PATJ: variants seen among roughly 807,000 people sequenced by gnomAD.
PATJ encodes inaD-like protein.
PATJ carries 190 observed loss-of-function variants against 224.9 expected under a neutral mutation model. The observed-to-expected ratio is 0.84, with a 90% CI of 0.75 to 0.95. The LOEUF (loss-of-function observed/expected upper bound fraction) is 0.95, where lower values mean the gene tolerates loss of function less well. PATJ is among the 40% of genes least tolerant of loss of function. The pLI is 0.00. For missense variants in PATJ, 2,121 were observed against 2,270.3 expected, an observed-to-expected ratio of 0.93 and a Z score of 1.34; for synonymous variants, 769 against 820.3, an observed-to-expected ratio of 0.94 and a Z score of 1.07.
intron 27 of PATJ, among the ~76,000 whole-genome samples, chr1:61,957,199 T>C (rs187983293): frequency 6.6e-6 from 1 of 152,264 alleles, no homozygotes; most frequent in Admixed American, 6.5e-5. Context: ...AGTGGGCAAA[T>C]CTATTCCATT....
At chr1:61,964,177 A>G (rs1375840150) in intron 27 of PATJ, among the ~76,000 whole-genome samples, 1 of 150,956 alleles carries the variant, frequency 6.6e-6, no homozygotes, top group East Asian at 2.0e-4. Context: ...TGCCTCCCAG[A>G]TTCAAGTCAT....
At position 61,765,595 on chromosome 1, in the gene PATJ, A is replaced by G. The variant is rs1402710011; in HGVS notation, c.190-684A>G. Among the ~76,000 whole-genome samples the G allele has an allele frequency of 2.0e-5, 3 of 152,024 alleles. No individual in the cohort carries two copies. In the East Asian group the frequency reaches 5.8e-4, roughly 29 times the overall value. ...CGATGGGGTTTCACCACTGACATTT[A>G]TTCTTAATGTTACCTTTATTCTACT... On this transcript the variant is annotated intron_variant, in intron 3 of 43. Transcript: ENST00000642238.
intron 17 of PATJ, among the ~76,000 whole-genome samples, chr1:61,842,111 T>A (rs1275275930): frequency 6.6e-6 from 1 of 152,118 alleles, no homozygotes; most frequent in Non-Finnish European, 1.5e-5. Flanking sequence ...GTTTGTAGTG[T>A]GCTCAGGATG....
intron 23 of PATJ, among the ~76,000 whole-genome samples, chr1:61,900,399 A>G (rs1306262280): frequency 6.6e-6 from 1 of 152,142 alleles, no homozygotes; most frequent in Non-Finnish European, 1.5e-5. Context: ...AAATAATGAC[A>G]CGGAGGTAGG....
intron 42 of PATJ, among the ~76,000 whole-genome samples, chr1:62,152,456 A>G (rs1668724596): frequency 6.6e-6 from 1 of 152,014 alleles, no homozygotes; most frequent in Non-Finnish European, 1.5e-5. Flanking sequence ...GTTCGAGACC[A>G]GCCTGGTCAA....
At chr1:61,908,317 C>T (rs1306368906) in intron 24 of PATJ, 55 bp from the exon 25 acceptor site, 1 of 1,157,814 alleles carries the variant, frequency 8.6e-7, no homozygotes, top group Non-Finnish European at 1.3e-6. Flanking sequence ...TTGAATTAAC[C>T]TGTCCACAAT....
intron 33 of PATJ, among the ~76,000 whole-genome samples, chr1:62,096,520 A>G (rs1340534853): frequency 2.0e-5 from 3 of 152,160 alleles, no homozygotes; most frequent in Non-Finnish European, 4.4e-5. Context: ...ATATCCTTGT[A>G]GTATAATCTT....
At chr1:61,953,653 G>A (rs900481252) in intron 27 of PATJ, among the ~76,000 whole-genome samples, 61 of 152,228 alleles carry the variant, frequency 4.0e-4, no homozygotes, top group African/African-American at 1.4e-3. Flanking sequence ...TTTTAATACT[G>A]CTTCTCAAAC....
intron 30 of PATJ, among the ~76,000 whole-genome samples, chr1:62,045,695 G>A (rs17123003): frequency 0.053 from 8,016 of 152,182 alleles, 431 homozygotes; most frequent in East Asian, 0.25. Context: ...CCAGCCATCC[G>A]GATTAGCTGA....
At chr1:62,099,347 CTTTTTTTTTTTTTTTTTTT>C (rs71050197) in intron 33 of PATJ, among the ~76,000 whole-genome samples, 1 of 55,666 alleles carries the variant, frequency 1.8e-5, no homozygotes. Flanking sequence ...ATATCTCCAA[CTTTTTTTTTTTTTTTTTTT>C]TTTTTTTTTT....
At chr1:61,896,462 G>T (rs576812360) in intron 22 of PATJ, among the ~76,000 whole-genome samples, 7 of 152,190 alleles carry the variant, frequency 4.6e-5, no homozygotes, top group African/African-American at 1.7e-4. Context: ...ACTTGTTTTT[G>T]ATTTTACAGG....
At chr1:61,771,038 G>T (rs930066634) in intron 5 of PATJ, among the ~76,000 whole-genome samples, 1 of 152,074 alleles carries the variant, frequency 6.6e-6, no homozygotes, top group Non-Finnish European at 1.5e-5. Context: ...GGAGGTTATT[G>T]GTGTAGTTGA....
At chr1:62,152,629 T>A (rs760991835) in intron 42 of PATJ, among the ~76,000 whole-genome samples, 4 of 151,102 alleles carry the variant, frequency 2.6e-5, no homozygotes, top group African/African-American at 4.9e-5. Flanking sequence ...CCAGCCTGGG[T>A]GACAGAGCAA....
intron 27 of PATJ, among the ~76,000 whole-genome samples, chr1:61,978,446 G>A: frequency 6.6e-6 from 1 of 151,986 alleles, no homozygotes; most frequent in Admixed American, 6.6e-5. Context: ...TGTATTTTTA[G>A]TAGAGAGGGG....
chr1:61,827,353 A>G, intron 15 of PATJ, 69 bp from the exon 16 acceptor site: 1 of 1,356,432 alleles, frequency 7.4e-7, no homozygotes, highest in South Asian at 1.8e-5. Context: ...GTAGATGGAT[A>G]TAAATAAGAG....
chr1:61,778,968 G>A (rs1266307131), intron 7 of PATJ, among the ~76,000 whole-genome samples: 1 of 152,044 alleles, frequency 6.6e-6, no homozygotes, highest in African/African-American at 2.4e-5. Context: ...CAAAGTGCTA[G>A]GATTACAGGT....
At chr1:61,976,939 A>G (rs1192897324) in intron 27 of PATJ, among the ~76,000 whole-genome samples, 1 of 152,078 alleles carries the variant, frequency 6.6e-6, no homozygotes, top group Non-Finnish European at 1.5e-5. Context: ...ACATATAACT[A>G]TAATACCATT....
intron 33 of PATJ, among the ~76,000 whole-genome samples, chr1:62,108,070 A>G (rs1663324389): frequency 6.6e-6 from 1 of 152,222 alleles, no homozygotes; most frequent in Non-Finnish European, 1.5e-5. Flanking sequence ...ATCTATGCCA[A>G]ATCCTAGAAT....
chr1:61,950,677 C>T (rs1032065918), intron 27 of PATJ, among the ~76,000 whole-genome samples: 2 of 152,100 alleles, frequency 1.3e-5, no homozygotes, highest in Non-Finnish European at 2.9e-5. Flanking sequence ...TTTATATGTT[C>T]ATTTCACCAA....
Sources: allele counts gnomAD v4.1 joint callset (sites outside exome capture counted in the v4.1 genomes callset), GRCh38; gene constraint gnomAD v4.1.1; transcripts MANE v1.5; gene names NCBI Gene and HGNC (gene_info 2026-07-23, HGNC 2026-07-21).